Variants in AGBL4 observed in about 807,000 individuals in gnomAD.
The protein encoded by AGBL4 is cytosolic carboxypeptidase 6.
In AGBL4, 58 loss-of-function variants were observed where a neutral mutation model predicts 66.4. That is an observed-to-expected ratio of 0.87 (90% CI 0.71 to 1.09). The LOEUF (loss-of-function observed/expected upper bound fraction) is 1.09, where lower values mean the gene tolerates loss of function less well. AGBL4 is among the 50% of genes least tolerant of loss of function. The probability of loss-of-function intolerance (pLI) is 0.00; values close to 1 mark genes in which losing one functional copy is unlikely to be tolerated. For synonymous variants in AGBL4, 234 were observed against 222.9 expected, an observed-to-expected ratio of 1.05 and a Z score of -0.44; for missense variants, 579 against 631.0, an observed-to-expected ratio of 0.92 and a Z score of 0.88.
rs1652752320 is a variant in AGBL4, at chr1:49,926,203, G to T, written c.35-74685C>A. Reference sequence around the variant, plus strand: ...AGAAAGAGACGTTCTGCTTATTTTAGAGAAAGTAAGAGAAAAGAACAAGAG... The same window carrying T: ...AGAAAGAGACGTTCTGCTTATTTTATAGAAAGTAAGAGAAAAGAACAAGAG... On this transcript the variant is annotated intron_variant, in intron 1 of 13. Coordinates refer to ENST00000371839, the MANE Select transcript of AGBL4 (RefSeq NM_032785.4). Among the ~76,000 whole-genome samples the T allele has an allele frequency of 2.6e-5, 4 of 152,284 alleles. No individual in the cohort carries two copies. The South Asian group carries it at 6.2e-4, about 24-fold the overall frequency.
intron 4 of AGBL4, among the ~76,000 whole-genome samples, chr1:49,135,871 T>A (rs965363393): frequency 1.3e-5 from 2 of 152,164 alleles, no homozygotes; most frequent in Non-Finnish European, 2.9e-5. Flanking sequence ...ACGGCCAGAT[T>A]TTGGGAGGCC....
chr1:48,586,422 G>T, intron 11 of AGBL4: 1 of 153,010 alleles, frequency 6.5e-6, no homozygotes, highest in East Asian at 1.9e-4. Context: ...AAGGAGGGGA[G>T]GAGGGGGAAA....
chr1:49,134,928 G>A (rs1222952352), intron 4 of AGBL4, among the ~76,000 whole-genome samples: 1 of 151,982 alleles, frequency 6.6e-6, no homozygotes, highest in East Asian at 1.9e-4. Context: ...CCCTCCGTTT[G>A]GGGTCCCTGA....
chr1:49,366,105 T>G (rs1243249839), intron 3 of AGBL4, among the ~76,000 whole-genome samples: 3 of 152,284 alleles, frequency 2.0e-5, no homozygotes, highest in East Asian at 3.9e-4. Flanking sequence ...TCAACTCAAC[T>G]TTCAATGCTT....
At chr1:49,956,589 T>C (rs971978817) in intron 1 of AGBL4, among the ~76,000 whole-genome samples, 3 of 151,942 alleles carry the variant, frequency 2.0e-5, no homozygotes, top group African/African-American at 7.2e-5. Context: ...TTAGAAAACT[T>C]TGTTTTGCAA....
chr1:49,226,046 G>T (rs918730958), intron 4 of AGBL4, among the ~76,000 whole-genome samples: 1 of 152,178 alleles, frequency 6.6e-6, no homozygotes, highest in African/African-American at 2.4e-5. Context: ...GGGAGATTAA[G>T]TAGTTTGTCT....
In AGBL4 at chr1:48,937,898, G is replaced by A. The variant is rs149986888; in HGVS notation, c.595-70668C>T. On this transcript the variant is annotated intron_variant, in intron 5 of 13. Coordinates refer to ENST00000371839, the MANE Select transcript of AGBL4 (RefSeq NM_032785.4). ...CTTTGGGACATTTCTAATCCCTTAA[G>A]CATTCCAGAGCACAGGAGTGGGAGC... is the stretch of plus-strand genomic sequence containing the variant. Among the ~76,000 whole-genome samples the A allele has an allele frequency of 3.5e-4, 54 of 152,196 alleles. 1 individual carries two copies. The East Asian group carries it at 0.01, about 29-fold the overall frequency.
intron 5 of AGBL4, among the ~76,000 whole-genome samples, chr1:48,943,185 A>G (rs1199962433): frequency 6.6e-6 from 1 of 152,230 alleles, no homozygotes; most frequent in African/African-American, 2.4e-5. Flanking sequence ...TGGGGAATCC[A>G]TAAGGACACC....
intron 1 of AGBL4, among the ~76,000 whole-genome samples, chr1:49,891,638 C>T (rs1345721965): frequency 1.3e-5 from 2 of 152,246 alleles, no homozygotes; most frequent in Admixed American, 6.5e-5. Context: ...GTAAAAATTA[C>T]GTTGGTGAAG....
intron 3 of AGBL4, among the ~76,000 whole-genome samples, chr1:49,302,822 G>GC (rs2148447092): frequency 6.6e-6 from 1 of 151,612 alleles, no homozygotes; most frequent in East Asian, 1.9e-4. Flanking sequence ...CCCTCCCCCT[G>GC]CCCCCTGACA....
intron 1 of AGBL4, among the ~76,000 whole-genome samples, chr1:49,887,923 A>T (rs1320491771): frequency 2.0e-5 from 3 of 152,180 alleles, no homozygotes; most frequent in Non-Finnish European, 4.4e-5. Flanking sequence ...ACCTTCAAAC[A>T]TGGCAATATT....
chr1:48,870,778 C>G (rs1033985437), intron 5 of AGBL4, among the ~76,000 whole-genome samples: 5 of 152,160 alleles, frequency 3.3e-5, no homozygotes, highest in Non-Finnish European at 7.3e-5. Flanking sequence ...ACCCACCGAT[C>G]ACTGACATAT....
In AGBL4 at chr1:48,904,285, A is replaced by C. The variant is rs575116730; in HGVS notation, c.595-37055T>G. Among the ~76,000 whole-genome samples the C allele has an allele frequency of 6.6e-5, 10 of 152,330 alleles. No homozygotes were observed. The East Asian group carries it at 1.5e-3, about 23-fold the overall frequency. ...GAGAGACTCCATCTCAAGGAAAATA[A>C]TAATACAATAAAATGATCTCAATTA... On this transcript the variant is annotated intron_variant, in intron 5 of 13. Transcript: ENST00000371839.
chr1:49,930,555 C>T (rs1399035165), intron 1 of AGBL4, among the ~76,000 whole-genome samples: 1 of 151,994 alleles, frequency 6.6e-6, no homozygotes, highest in Non-Finnish European at 1.5e-5. Context: ...AATCAAATCC[C>T]ACTACACAAA....
chr1:49,136,932 A>T (rs1045212204), intron 4 of AGBL4, among the ~76,000 whole-genome samples: 4 of 152,150 alleles, frequency 2.6e-5, no homozygotes, highest in African/African-American at 7.2e-5. Flanking sequence ...ACAGCAGGTT[A>T]AAACTGAAAC....
At chr1:48,528,565 T>A (rs1307479591), downstream of AGBL4, among the ~76,000 whole-genome samples, 1 of 151,944 alleles carries the variant, frequency 6.6e-6, no homozygotes, top group Non-Finnish European at 1.5e-5. Context: ...AGAGTTGTGT[T>A]TGTATCCAGG....
At chr1:49,277,280 T>A (rs1644186246) in intron 3 of AGBL4, among the ~76,000 whole-genome samples, 1 of 152,188 alleles carries the variant, frequency 6.6e-6, no homozygotes, top group Admixed American at 6.5e-5. Flanking sequence ...TTTGATCAAT[T>A]GTTATCCTTT....
intron 3 of AGBL4, among the ~76,000 whole-genome samples, chr1:49,348,713 C>A (rs527667917): frequency 6.6e-6 from 1 of 152,246 alleles, no homozygotes; most frequent in Admixed American, 6.5e-5. Context: ...AGTTTTAATC[C>A]GTCTAATTTG....
chr1:49,628,945 G>GA (rs748246086), intron 3 of AGBL4, among the ~76,000 whole-genome samples: 111 of 152,228 alleles, frequency 7.3e-4, no homozygotes, highest in Admixed American at 3.3e-3. Flanking sequence ...GCTGCATTTG[G>GA]AAAAATGATT....
Sources: allele counts gnomAD v4.1 joint callset (sites outside exome capture counted in the v4.1 genomes callset), GRCh38; gene constraint gnomAD v4.1.1; transcripts MANE v1.5; gene names NCBI Gene and HGNC (gene_info 2026-07-23, HGNC 2026-07-21).